The following TMEM63A variants were observed in gnomAD, a reference collection of about 807,000 sequenced individuals.
TMEM63A encodes transmembrane protein 63A, also known as mechanosensitive cation channel TMEM63A.
In TMEM63A, 76 loss-of-function variants were observed where a neutral mutation model predicts 100.6. The ratio of observed to expected loss-of-function variants is 0.76; its 90% CI spans 0.63 to 0.91. The LOEUF is 0.91. Ranked by LOEUF, TMEM63A falls within the 40% of genes least tolerant of loss-of-function variation. The pLI is 0.00. For synonymous variants in TMEM63A, 401 were observed against 401.1 expected (o/e 1.00, Z 0.00); for missense variants, 876 against 1,008.8 (o/e 0.87, Z 1.78).
intron 21 of TMEM63A, among the ~76,000 whole-genome samples, 155 bp from the exon 22 acceptor site, chr1:225,849,167 C>G: frequency 6.7e-6 from 1 of 150,060 alleles, no homozygotes; most frequent in Admixed American, 6.6e-5. Context: ...CCACCCCCAC[C>G]CCTCAACTCC....
rs1336860151 is a variant in TMEM63A, at chr1:225,846,255, G to GACTC, written c.*680_*683dup. 5.2e-5 allele frequency: 8 copies of GACTC among 152,790 alleles called. No individual in the cohort carries two copies. Among genetic ancestry groups the GACTC allele is most frequent in the South Asian group, 2.1e-4 (1 of 4,838 alleles). The allele number at this position is 152,790 out of a possible 1,614,324, so 9.5% of individuals were successfully genotyped here. ...TGCACAGAGCCTGCCTGGAGGTGCA[G>GACTC]ACTCATGCACTCAGCCCTGAAGAGG... On this transcript the variant is annotated 3_prime_UTR_variant, in exon 25 of 25. Transcript: ENST00000366835.
chr1:225,874,492 C>A, intron 3 of TMEM63A, 125 bp from the exon 4 acceptor site: 1 of 763,774 alleles, frequency 1.3e-6, no homozygotes, highest in African/African-American at 1.7e-5. Flanking sequence ...CACCCAGGCC[C>A]AGAGAGGGCA....
chr1:225,860,135 T>C (rs537476283), intron 14 of TMEM63A: 1 of 152,716 alleles, frequency 6.5e-6, no homozygotes, highest in Non-Finnish European at 1.5e-5. Context: ...TAGGAAGCCT[T>C]GTGAACCAAA....
At chr1:225,842,963 A>C (rs1309953072), downstream of TMEM63A, among the ~76,000 whole-genome samples, 1 of 152,194 alleles carries the variant, frequency 6.6e-6, no homozygotes, top group Non-Finnish European at 1.5e-5. Context: ...AGGCTTCACC[A>C]AGGTCAGCTC....
At position 225,868,839 on chromosome 1, in the gene TMEM63A, G is replaced by C. The variant is rs186695227; in HGVS notation, c.372-809C>G. On this transcript the variant is annotated intron_variant, in intron 6 of 24. Coordinates refer to ENST00000366835, the MANE Select transcript of TMEM63A (RefSeq NM_014698.3). The stretch of plus-strand genomic sequence containing the variant: ...CTGGCCTCCTCCCTGTGTCCCCAGA[G>C]ATGGGGAGGTGACTTGCTCCACCCT... Among the ~76,000 whole-genome samples, 341 of 152,286 alleles carry C rather than the reference G, an allele frequency of 2.2e-3. 1 individual carries two copies. Among genetic ancestry groups the C allele is most frequent in the African/African-American group, 7.8e-3 (326 of 41,562 alleles).
chr1:225,845,078 C>A, downstream of TMEM63A: 1 of 1,552,572 alleles, frequency 6.4e-7, no homozygotes, highest in Non-Finnish European at 8.9e-7. Context: ...CGCTTTAACC[C>A]CCTGCTGTGC....
intron 18 of TMEM63A, among the ~76,000 whole-genome samples, chr1:225,854,834 G>A (rs1164136027): frequency 6.6e-6 from 1 of 152,218 alleles, no homozygotes; most frequent in Non-Finnish European, 1.5e-5. Flanking sequence ...CCTTCAGGCA[G>A]CCAAAATCTA....
chr1:225,858,076 T>A (rs1669728943), intron 15 of TMEM63A, among the ~76,000 whole-genome samples: 1 of 152,270 alleles, frequency 6.6e-6, no homozygotes. Flanking sequence ...ATTCATCAGA[T>A]AGGGAATGGC....
chr1:225,858,736 G>T (rs118182022), intron 15 of TMEM63A, among the ~76,000 whole-genome samples: 2 of 151,918 alleles, frequency 1.3e-5, no homozygotes, highest in Non-Finnish European at 2.9e-5. Context: ...GCCCCTCCCC[G>T]TAGTGTCCAT....
chr1:225,866,510 C>T, intron 9 of TMEM63A, 64 bp downstream of exon 9: 1 of 1,456,152 alleles, frequency 6.9e-7, no homozygotes, highest in Non-Finnish European at 9.6e-7. Flanking sequence ...CCTGGGAGGC[C>T]CTTCCACTCC....
At position 225,853,723 on chromosome 1, in the gene TMEM63A, T is replaced by C. The variant is rs373721455; in HGVS notation, c.1703A>G (p.Asn568Ser). 5.6e-6 allele frequency: 9 copies of C among 1,602,560 alleles called. No individual in the cohort carries two copies. The highest frequency in any genetic ancestry group is 6.8e-6 in the Non-Finnish European group (8 of 1,174,582). ...NYVIASAFIG[N>S]GMELLRLPGL... ...TGGCAGCCGCAGCAGCTCCATGCCATTGCCGATGAAGGCCGAGGCGATGAC... is the reference window on the plus strand; with the variant it reads ...TGGCAGCCGCAGCAGCTCCATGCCACTGCCGATGAAGGCCGAGGCGATGAC... The change falls in exon 19 of 25, where the codon AAT becomes AGT. Residue 568 changes from asparagine to serine, a missense_variant. Physicochemically the swap from Asn to Ser is conservative, Grantham distance 46 (BLOSUM62 1). Around this residue, in one of 5 missense-constraint regions of TMEM63A, gnomAD observed 339 missense variants for 342.3 expected, o/e 0.99. Coordinates refer to ENST00000366835, the MANE Select transcript of TMEM63A (RefSeq NM_014698.3). The surrounding 1 kb of genome is among the most constrained non-coding windows in gnomAD (Gnocchi z 4.0).
rs1372935949 is a variant in TMEM63A, at chr1:225,879,303, GC to G, written c.-99del. 5 of 152,292 alleles carry G rather than the reference GC, an allele frequency of 3.3e-5. No individual in the cohort carries two copies. The highest frequency in any genetic ancestry group is 1.2e-4 in the African/African-American group (5 of 41,450). 9.4% of individuals were successfully genotyped at this position (152,292 alleles called of 1,614,324 possible). ...GCTGTCTCTGGCAAAGGCAAAAGCA[GC>G]CCCAGCCACCTCCCAAGCTGCCAAG... is the stretch of plus-strand genomic sequence containing the variant. On this transcript the variant is annotated 5_prime_UTR_variant, in exon 2 of 25. The change abolishes the stop of an existing upstream ORF in the 5' untranslated region. Coordinates refer to ENST00000366835, the MANE Select transcript of TMEM63A (RefSeq NM_014698.3).
chr1:225,854,239 T>A (rs1669500370), intron 18 of TMEM63A, among the ~76,000 whole-genome samples: 1 of 152,150 alleles, frequency 6.6e-6, no homozygotes, highest in Non-Finnish European at 1.5e-5. Flanking sequence ...CCTGAGGATG[T>A]CCTCGTCTGC....
intron 6 of TMEM63A, among the ~76,000 whole-genome samples, chr1:225,869,475 G>A (rs1381924730): frequency 6.6e-6 from 1 of 151,986 alleles, no homozygotes; most frequent in African/African-American, 2.4e-5. Context: ...CTACCAAACC[G>A]AACATTTACA....
intron 15 of TMEM63A, among the ~76,000 whole-genome samples, chr1:225,857,706 A>G (rs889475625): frequency 3.3e-5 from 5 of 152,220 alleles, no homozygotes; most frequent in Non-Finnish European, 5.9e-5. Flanking sequence ...TGGCTCGGCA[A>G]ATATCTAAAT....
chr1:225,869,469 CA>C (rs1294471206), intron 6 of TMEM63A, among the ~76,000 whole-genome samples: 1 of 152,150 alleles, frequency 6.6e-6, no homozygotes, highest in Non-Finnish European at 1.5e-5. Context: ...CAACTCCTAC[CA>C]AACCGAACAT....
At chr1:225,849,786 C>T (rs1669230747) in intron 21 of TMEM63A, 126 bp downstream of exon 21, 1 of 1,255,094 alleles carries the variant, frequency 8.0e-7, no homozygotes, top group African/African-American at 1.5e-5. Context: ...CCAGCCCTCA[C>T]TCTGGGCACC....
intron 15 of TMEM63A, among the ~76,000 whole-genome samples, chr1:225,858,886 TTCAG>T (rs1338847576): frequency 6.6e-6 from 1 of 151,562 alleles, no homozygotes; most frequent in African/African-American, 2.4e-5. Flanking sequence ...ATCCCTACCA[TTCAG>T]TATTTAGATA....
chr1:225,847,387 C>A, intron 23 of TMEM63A, 174 bp from the exon 24 acceptor site: 2 of 722,016 alleles, frequency 2.8e-6, no homozygotes, highest in Non-Finnish European at 4.4e-6. Flanking sequence ...TGCAGAATTT[C>A]CTAGCAGCCA....
Sources: allele counts gnomAD v4.1 joint callset (sites outside exome capture counted in the v4.1 genomes callset), GRCh38; gene constraint gnomAD v4.1.1; regional missense constraint gnomAD v4.1.1; non-coding constraint Gnocchi (gnomAD v3.1); transcripts MANE v1.5; gene names NCBI Gene and HGNC (gene_info 2026-07-23, HGNC 2026-07-21).